Variants in DOCK9 observed in about 807,000 individuals in gnomAD.
DOCK9 encodes dedicator of cytokinesis protein 9.
A neutral mutation model predicts 263.3 loss-of-function variants in DOCK9; 89 were observed. That is an observed-to-expected ratio of 0.34 (90% confidence interval 0.28 to 0.40). DOCK9 has a LOEUF of 0.40. DOCK9 is among the 10% of genes least tolerant of loss of function. The pLI is 1.00. For missense variants in DOCK9, 2,140 were observed against 2,603.4 expected (o/e 0.82, Z 3.87); for synonymous variants, 976 against 973.1 (o/e 1.00, Z -0.06).
intron 2 of DOCK9, chr13:98,950,365 G>A: frequency 1.1e-6 from 1 of 933,160 alleles, no homozygotes; most frequent in East Asian, 2.5e-5. Context: ...CTTTGCCTGA[G>A]TGGCTTTGAG....
At chr13:98,936,633 AAAAAG>A (rs1327952969) in intron 2 of DOCK9, among the ~76,000 whole-genome samples, 29 of 85,534 alleles carry the variant, frequency 3.4e-4, no homozygotes, top group African/African-American at 8.8e-4. Flanking sequence ...CAAAAAAAAA[AAAAAG>A]AAAGAAAGAA....
intron 27 of DOCK9, among the ~76,000 whole-genome samples, chr13:98,870,089 C>T (rs1353538758): frequency 6.6e-6 from 1 of 152,198 alleles, no homozygotes; most frequent in Non-Finnish European, 1.5e-5. Context: ...GCAGCCAAAC[C>T]AATGTCCCAA....
intron 4 of DOCK9, 149 bp downstream of exon 4, chr13:98,925,688 G>A (rs2052822158): frequency 2.1e-6 from 1 of 485,796 alleles, no homozygotes; most frequent in Admixed American, 3.8e-5. Context: ...ACAATCAAAG[G>A]CCCTGTAAAC....
intron 45 of DOCK9, among the ~76,000 whole-genome samples, chr13:98,816,877 G>A (rs1375368274): frequency 6.6e-6 from 1 of 152,022 alleles, no homozygotes; most frequent in South Asian, 2.1e-4. Context: ...CGCAATCAGA[G>A]TGATAAGAGA....
chr13:99,082,784 A>G (rs1369039648), intron 1 of DOCK9, among the ~76,000 whole-genome samples: 1 of 152,214 alleles, frequency 6.6e-6, no homozygotes, highest in Non-Finnish European at 1.5e-5. Context: ...CAAGGAAAGC[A>G]TAATTATTAT....
chr13:98,895,275 T>C (rs2047240319), intron 15 of DOCK9, among the ~76,000 whole-genome samples: 1 of 151,796 alleles, frequency 6.6e-6, no homozygotes, highest in Non-Finnish European at 1.5e-5. Flanking sequence ...TTTCAGAAAA[T>C]ACTTGAGTTG....
intron 12 of DOCK9, among the ~76,000 whole-genome samples, 182 bp downstream of exon 12, chr13:98,902,106 A>G (rs1222995693): frequency 6.6e-6 from 1 of 152,252 alleles, no homozygotes; most frequent in East Asian, 1.9e-4. Flanking sequence ...TAGAAAGAAG[A>G]AAGGAAATTA....
At chr13:98,795,227 GA>G (rs1251971208) in intron 52 of DOCK9, among the ~76,000 whole-genome samples, 1 of 152,186 alleles carries the variant, frequency 6.6e-6, no homozygotes, top group Non-Finnish European at 1.5e-5. Flanking sequence ...CCTTGACCTT[GA>G]AAAAGCCTTT....
rs1160832517 is a variant in DOCK9 at position 99,070,294 on chromosome 13, T to C, written c.129+15929A>G. Among the ~76,000 whole-genome samples the C allele has an allele frequency of 2.0e-5, 3 of 152,358 alleles. No homozygotes were observed. In the East Asian group the frequency reaches 5.8e-4, roughly 29 times the overall value. Reference sequence around the variant, plus strand: ...TCCTTCCAATATTCAATGTATTTGCTTTTTCTTAATAGATTATTACCTATT... The same window carrying C: ...TCCTTCCAATATTCAATGTATTTGCCTTTTCTTAATAGATTATTACCTATT... On this transcript the variant is annotated intron_variant, in intron 1 of 32. Coordinates refer to the DOCK9 transcript ENST00000427887.
rs777905478 is a variant in DOCK9 at position 98,867,959 on chromosome 13, T to C, written c.3143A>G (p.Tyr1048Cys). The change falls in exon 29 of 53, where the codon TAC becomes TGC. Residue 1048 changes from tyrosine to cysteine, a missense_variant. Tyr to Cys is a radical substitution (Grantham distance 194). This residue lies in a region of DOCK9 where 1,521 missense variants were observed against 1,741.7 expected (regional missense o/e 0.87). Transcript: ENST00000682017. ...RGFVFKQINN[Y>C]ISCFAPGDPK... ...GTCTCCAGGAGCAAAACAGCTAATG[T>C]AGTTGTTGATCTGCTTGAAGACAAA... 2 of 1,613,660 alleles carry C rather than the reference T, an allele frequency of 1.2e-6. No individual in the cohort carries two copies. The highest frequency in any genetic ancestry group is 2.2e-5 in the East Asian group (1 of 44,872).
At chr13:98,843,493 A>C (rs2093292483) in intron 38 of DOCK9, among the ~76,000 whole-genome samples, 1 of 152,208 alleles carries the variant, frequency 6.6e-6, no homozygotes, top group African/African-American at 2.4e-5. Context: ...TCAAACACAT[A>C]ATGAGAATTG....
At chr13:98,912,540 A>C (rs1031430712) in intron 9 of DOCK9, among the ~76,000 whole-genome samples, 1 of 152,148 alleles carries the variant, frequency 6.6e-6, no homozygotes, top group Non-Finnish European at 1.5e-5. Flanking sequence ...AATAGTTCCA[A>C]ATATTTTAAA....
intron 1 of DOCK9, among the ~76,000 whole-genome samples, chr13:99,055,420 C>T (rs1308911793): frequency 1.3e-5 from 2 of 152,154 alleles, no homozygotes; most frequent in African/African-American, 2.4e-5. Flanking sequence ...GAAGTGGGAA[C>T]GTCTGCGTTG....
At chr13:98,937,849 G>T (rs1414336028) in intron 2 of DOCK9, among the ~76,000 whole-genome samples, 1 of 152,010 alleles carries the variant, frequency 6.6e-6, no homozygotes, top group African/African-American at 2.4e-5. Context: ...CTTAAAAAAA[G>T]AAAAGTTTTT....
chr13:98,871,465 T>C (rs2094183615), intron 27 of DOCK9, among the ~76,000 whole-genome samples: 1 of 152,240 alleles, frequency 6.6e-6, no homozygotes, highest in African/African-American at 2.4e-5. Context: ...CTCCCTGCAG[T>C]GGCAAATAGC....
intron 1 of DOCK9, among the ~76,000 whole-genome samples, chr13:99,061,884 T>A (rs1314936186): frequency 6.6e-6 from 1 of 151,982 alleles, no homozygotes; most frequent in Non-Finnish European, 1.5e-5. Context: ...GTTTTGTTTT[T>A]TTTTTGAGAC....
Position 98,793,587 on chromosome 13 carries a change from C to A in DOCK9, c.*1039G>T, listed in dbSNP as rs1389614759. 1.3e-5 allele frequency: 2 copies of A among 152,420 alleles called. No homozygotes were observed. Among genetic ancestry groups the A allele is most frequent in the African/African-American group, 4.8e-5 (2 of 41,384 alleles). The allele number at this position is 152,420 out of a possible 1,614,324, so 9.4% of individuals were successfully genotyped here. On this transcript the variant is annotated 3_prime_UTR_variant, in exon 53 of 53. Coordinates refer to ENST00000682017, the MANE Select transcript of DOCK9 (RefSeq NM_001366683.2). ...ATAAAATTAAAAACCTTTATTTTCC[C>A]AAATATAAAATTACTAAATTAAAGT...
chr13:98,845,479 T>G, intron 38 of DOCK9: 1 of 695,116 alleles, frequency 1.4e-6, no homozygotes, highest in Non-Finnish European at 2.1e-6. Flanking sequence ...TAACATCCAT[T>G]CAGAGCTGGA....
At chr13:98,849,937 T>C in intron 36 of DOCK9, 110 bp downstream of exon 36, 2 of 754,718 alleles carry the variant, frequency 2.7e-6, no homozygotes, top group East Asian at 2.8e-5. Context: ...AAGGAGTAAG[T>C]GAGGATGTGA....
Sources: allele counts gnomAD v4.1 joint callset (sites outside exome capture counted in the v4.1 genomes callset), GRCh38; gene constraint gnomAD v4.1.1; regional missense constraint gnomAD v4.1.1; transcripts MANE v1.5; gene names NCBI Gene and HGNC (gene_info 2026-07-23, HGNC 2026-07-21).